MROH9: variants seen among roughly 807,000 people sequenced by gnomAD.
The protein encoded by MROH9 is maestro heat-like repeat-containing protein family member 9.
MROH9 carries 92 observed loss-of-function variants against 98.2 expected under a neutral mutation model. The observed-to-expected ratio is 0.94, with a 90% CI of 0.79 to 1.11. The LOEUF is 1.11. Ranked by LOEUF, MROH9 falls within the 50% of genes most tolerant of loss-of-function variation. The pLI is 0.00. For missense variants in MROH9, 1,057 were observed against 1,014.8 expected (o/e 1.04, Z -0.57); for synonymous variants, 397 against 368.9 (o/e 1.08, Z -0.87).
intron 15 of MROH9, among the ~76,000 whole-genome samples, chr1:170,999,904 G>A (rs1472905484): frequency 6.6e-6 from 1 of 151,988 alleles, no homozygotes; most frequent in Non-Finnish European, 1.5e-5. Flanking sequence ...ATTGCATTGT[G>A]GTTTTGATTT....
intron 21 of MROH9, among the ~76,000 whole-genome samples, 194 bp downstream of exon 21, chr1:171,062,388 C>T (rs1654042081): frequency 6.6e-6 from 1 of 152,078 alleles, no homozygotes; most frequent in Non-Finnish European, 1.5e-5. Flanking sequence ...TCTTTCTATT[C>T]TATTTCCCCT....
chr1:170,936,003 A>G (rs1398142008), intron 1 of MROH9, among the ~76,000 whole-genome samples: 5 of 146,458 alleles, frequency 3.4e-5, no homozygotes, highest in African/African-American at 7.9e-5. Context: ...AAAAAAAAAA[A>G]AAAAAGAAAA....
chr1:171,049,539 TA>T (rs1469352704), intron 20 of MROH9, among the ~76,000 whole-genome samples: 2 of 152,150 alleles, frequency 1.3e-5, no homozygotes, highest in Non-Finnish European at 2.9e-5. Flanking sequence ...TTGATCTGGG[TA>T]ATGATCAGTG....
At chr1:170,973,354 T>G (rs968920703) in intron 8 of MROH9, among the ~76,000 whole-genome samples, 1 of 152,072 alleles carries the variant, frequency 6.6e-6, no homozygotes, top group African/African-American at 2.4e-5. Flanking sequence ...AATTCACAAG[T>G]ACCGAGGTAC....
chr1:170,996,405 A>C, intron 13 of MROH9, 102 bp from the exon 14 acceptor site: 1 of 1,315,140 alleles, frequency 7.6e-7, no homozygotes, highest in Admixed American at 2.3e-5. Context: ...CTTTCTCAAA[A>C]CCTATATTCT....
chr1:171,027,575 A>T (rs1451348658), intron 20 of MROH9, among the ~76,000 whole-genome samples: 2 of 152,146 alleles, frequency 1.3e-5, no homozygotes, highest in Non-Finnish European at 2.9e-5. Context: ...TACATAGTAA[A>T]GGGATTGCTG....
intron 17 of MROH9, among the ~76,000 whole-genome samples, chr1:171,018,315 C>G (rs1652397097): frequency 6.6e-6 from 1 of 151,742 alleles, no homozygotes; most frequent in Non-Finnish European, 1.5e-5. Flanking sequence ...AGGGACCTGA[C>G]CATTGCAAGA....
rs754042552 is a variant in MROH9, at chr1:170,995,390, C to T, written c.1196C>T (p.Ala399Val). 7 of 1,613,206 alleles carry T rather than the reference C, an allele frequency of 4.3e-6. No homozygotes were observed. The South Asian group carries it at 7.7e-5, about 18-fold the overall frequency. Reference sequence around the variant, plus strand: ...ACCTCCTATTTCCTTCCCTTATAGGCATGCCAGGCCCTGTGCACCTTTCTG... The same window carrying T: ...ACCTCCTATTTCCTTCCCTTATAGGTATGCCAGGCCCTGTGCACCTTTCTG... ...LDITNLMPLAACQALCTFLPL... is the reference protein window; with the variant it reads ...LDITNLMPLAVCQALCTFLPL... Residue 399 changes from alanine (A) to valine (V), a missense_variant and splice_region_variant, in exon 13 of 22, where the codon GCA becomes GTA. Physicochemically the swap from Ala to Val is moderately conservative, Grantham distance 64 (BLOSUM62 0). Coordinates refer to ENST00000367759, the MANE Select transcript of MROH9 (RefSeq NM_001163629.2).
chr1:170,952,529 T>G (rs1298211343), intron 3 of MROH9, among the ~76,000 whole-genome samples: 2 of 144,200 alleles, frequency 1.4e-5, no homozygotes, highest in Non-Finnish European at 1.5e-5. Flanking sequence ...ATGTTCTCAC[T>G]CATAGGTGGG....
intron 20 of MROH9, among the ~76,000 whole-genome samples, chr1:171,028,666 A>G (rs1021515988): frequency 6.6e-6 from 1 of 152,202 alleles, no homozygotes; most frequent in East Asian, 1.9e-4. Flanking sequence ...TGAGGATGGA[A>G]TGTCTTTCCA....
chr1:171,021,007 G>T (rs1283521608), intron 17 of MROH9, among the ~76,000 whole-genome samples: 1 of 151,946 alleles, frequency 6.6e-6, no homozygotes, highest in Non-Finnish European at 1.5e-5. Flanking sequence ...ACACTCATTC[G>T]CAATTGCTAC....
intron 20 of MROH9, among the ~76,000 whole-genome samples, chr1:171,040,176 A>G (rs1023750050): frequency 1.3e-5 from 2 of 152,136 alleles, no homozygotes; most frequent in Non-Finnish European, 2.9e-5. Flanking sequence ...ATAGAAATGT[A>G]AAGTATAATG....
intron 19 of MROH9, among the ~76,000 whole-genome samples, 162 bp downstream of exon 19, chr1:171,024,927 G>A (rs1356763165): frequency 6.6e-6 from 1 of 152,124 alleles, no homozygotes; most frequent in Non-Finnish European, 1.5e-5. Context: ...TGAGCCGAGA[G>A]GAATTAGAAT....
At chr1:170,947,014 T>C (rs1033099771) in intron 2 of MROH9, among the ~76,000 whole-genome samples, 2 of 151,930 alleles carry the variant, frequency 1.3e-5, no homozygotes, top group African/African-American at 4.8e-5. Flanking sequence ...TAAATGATGG[T>C]GGTAGTAATG....
At position 170,984,810 on chromosome 1, in the gene MROH9, G is replaced by A. The variant is rs960842609; in HGVS notation, c.729+1276G>A. Among the ~76,000 whole-genome samples, 8 of 152,246 alleles carry A rather than the reference G, an allele frequency of 5.3e-5. No individual in the cohort carries two copies. In the East Asian group the frequency reaches 7.7e-4, roughly 15 times the overall value. On this transcript the variant is annotated intron_variant, in intron 9 of 21. Coordinates refer to ENST00000367759, the MANE Select transcript of MROH9 (RefSeq NM_001163629.2). ...CCAAAGCAAGCCCAGCACTACATGC[G>A]GGAACAGTAGCTGGAAAACCTGGAG... is the stretch of plus-strand genomic sequence containing the variant.
chr1:171,026,148 A>G (rs1652703500), intron 20 of MROH9, among the ~76,000 whole-genome samples: 1 of 152,130 alleles, frequency 6.6e-6, no homozygotes, highest in Non-Finnish European at 1.5e-5. Flanking sequence ...GATCAGCACT[A>G]AAGCCCACGA....
intron 12 of MROH9, 93 bp downstream of exon 12, chr1:170,992,422 A>T: frequency 7.6e-7 from 1 of 1,315,072 alleles, no homozygotes; most frequent in Non-Finnish European, 1.1e-6. Context: ...TACTTTCTTA[A>T]CACAGTCCTC....
At chr1:171,010,663 A>C (rs373093828) in intron 15 of MROH9, among the ~76,000 whole-genome samples, 1 of 152,086 alleles carries the variant, frequency 6.6e-6, no homozygotes, top group African/African-American at 2.4e-5. Flanking sequence ...TGTGGTTTTG[A>C]TTTGCATTTC....
chr1:170,940,323 T>C (rs1165048706), intron 1 of MROH9, among the ~76,000 whole-genome samples: 1 of 152,184 alleles, frequency 6.6e-6, no homozygotes, highest in Admixed American at 6.5e-5. Context: ...TGCCAATAAG[T>C]TTAGATATTG....
Sources: allele counts gnomAD v4.1 joint callset (sites outside exome capture counted in the v4.1 genomes callset), GRCh38; gene constraint gnomAD v4.1.1; transcripts MANE v1.5; gene names NCBI Gene and HGNC (gene_info 2026-07-23, HGNC 2026-07-21).